The following MFHAS1 variants were observed in gnomAD, a reference collection of about 807,000 sequenced individuals.
The protein encoded by MFHAS1 is multifunctional ROCO family signaling regulator 1, also known as malignant fibrous histiocytoma-amplified sequence 1.
MFHAS1 carries 50 observed loss-of-function variants against 70.4 expected under a neutral mutation model. That is an observed-to-expected ratio of 0.71 (90% CI 0.57 to 0.90). The LOEUF (loss-of-function observed/expected upper bound fraction) is 0.90, where lower values mean the gene tolerates loss of function less well. Among genes scored for constraint, MFHAS1 ranks in the 40% least tolerant of loss-of-function variants. The pLI is 0.00. For synonymous variants in MFHAS1, 952 were observed against 620.0 expected (o/e 1.54, Z -7.96); for missense variants, 1,795 against 1,347.6 (o/e 1.33, Z -5.20).
chr8:8,825,572 C>G (rs1807127418), intron 1 of MFHAS1, among the ~76,000 whole-genome samples: 1 of 152,172 alleles, frequency 6.6e-6, no homozygotes, highest in African/African-American at 2.4e-5. Flanking sequence ...CCTCTGCTTG[C>G]AGGTGGCTGC....
At chr8:8,803,845 G>A (rs1334504459) in intron 1 of MFHAS1, among the ~76,000 whole-genome samples, 2 of 152,024 alleles carry the variant, frequency 1.3e-5, no homozygotes, top group Non-Finnish European at 2.9e-5. Flanking sequence ...CGTGGCACAT[G>A]CCTGTAATCT....
intron 1 of MFHAS1, among the ~76,000 whole-genome samples, chr8:8,848,877 A>G (rs1031193771): frequency 1.3e-5 from 2 of 152,134 alleles, no homozygotes; most frequent in African/African-American, 4.8e-5. Flanking sequence ...GTTTTTAAAA[A>G]CTGGTTAAAT....
At chr8:8,826,922 C>G (rs1185279329) in intron 1 of MFHAS1, among the ~76,000 whole-genome samples, 2 of 152,216 alleles carry the variant, frequency 1.3e-5, no homozygotes, top group Non-Finnish European at 2.9e-5. Context: ...GCATCTGAGG[C>G]AGGGATGGCA....
chr8:8,872,415 C>A (rs920564778), intron 1 of MFHAS1, among the ~76,000 whole-genome samples: 1 of 152,192 alleles, frequency 6.6e-6, no homozygotes, highest in Non-Finnish European at 1.5e-5. Context: ...TCCAACCTTG[C>A]AGCTTCCTTC....
intron 1 of MFHAS1, among the ~76,000 whole-genome samples, chr8:8,802,099 C>T (rs1018436706): frequency 1.3e-5 from 2 of 152,198 alleles, no homozygotes; most frequent in Non-Finnish European, 2.9e-5. Context: ...TGACATTGAG[C>T]GAGCACTTTT....
intron 1 of MFHAS1, among the ~76,000 whole-genome samples, chr8:8,819,970 C>A (rs931246648): frequency 2.0e-5 from 3 of 152,150 alleles, no homozygotes; most frequent in Non-Finnish European, 4.4e-5. Flanking sequence ...AGTGTTGGGA[C>A]TGCAGGCATG....
intron 1 of MFHAS1, among the ~76,000 whole-genome samples, chr8:8,844,787 G>A (rs961835574): frequency 6.6e-6 from 1 of 152,136 alleles, no homozygotes; most frequent in Non-Finnish European, 1.5e-5. Flanking sequence ...AGAGAGGAGG[G>A]GTGTTACCTG....
chr8:8,811,658 G>A (rs1278146201), intron 1 of MFHAS1, among the ~76,000 whole-genome samples: 2 of 152,222 alleles, frequency 1.3e-5, no homozygotes, highest in Admixed American at 6.5e-5. Flanking sequence ...CTGCAGGGAC[G>A]TAAGCTCCAC....
chr8:8,826,680 C>A (rs1027523312), intron 1 of MFHAS1, among the ~76,000 whole-genome samples: 2 of 152,216 alleles, frequency 1.3e-5, no homozygotes, highest in Non-Finnish European at 2.9e-5. Flanking sequence ...CTGCAGTGAG[C>A]TGAGATCACG....
At chr8:8,886,619 G>A (rs1178582254) in intron 1 of MFHAS1, among the ~76,000 whole-genome samples, 2 of 152,234 alleles carry the variant, frequency 1.3e-5, no homozygotes, top group East Asian at 1.9e-4. Context: ...AAAGATATTA[G>A]TGCAACTTTA....
At chr8:8,871,153 C>T (rs527280800) in intron 1 of MFHAS1, among the ~76,000 whole-genome samples, 74 of 152,286 alleles carry the variant, frequency 4.9e-4, no homozygotes, top group African/African-American at 1.7e-3. Context: ...ATGCTGTGTG[C>T]CCCTGGCCAT....
intron 1 of MFHAS1, among the ~76,000 whole-genome samples, chr8:8,840,173 C>T (rs1277598568): frequency 2.0e-5 from 3 of 152,186 alleles, no homozygotes; most frequent in Admixed American, 2.0e-4. Context: ...ATGCTCATTA[C>T]TGGCCGGGCA....
At chr8:8,885,782 T>C (rs1809728983) in intron 1 of MFHAS1, among the ~76,000 whole-genome samples, 1 of 152,248 alleles carries the variant, frequency 6.6e-6, no homozygotes, top group African/African-American at 2.4e-5. Context: ...CAATCTCAGC[T>C]CACTGCAACC....
chr8:8,784,727 C>T lies in MFHAS1; in HGVS notation c.*1295G>A, dbSNP rs1398960366. 1 of 152,158 alleles carries T rather than the reference C, an allele frequency of 6.6e-6. No individual in the cohort carries two copies. The highest frequency in any genetic ancestry group is 1.5e-5 in the Non-Finnish European group (1 of 68,040). The allele number at this position is 152,158 out of a possible 1,614,324, so 9.4% of individuals were successfully genotyped here. A position where few individuals can be genotyped will look rare whatever the true frequency, so the allele number is the denominator to read the frequency against. On this transcript the variant is annotated 3_prime_UTR_variant, in exon 3 of 3. Transcript: ENST00000276282. Reference sequence around the variant, plus strand: ...GTCAGTTTTATACATTTTCGATCAACCCACGGAGGAGGCAAATGTAAACAG... The same window carrying T: ...GTCAGTTTTATACATTTTCGATCAATCCACGGAGGAGGCAAATGTAAACAG...
chr8:8,830,217 G>A (rs1339057955), intron 1 of MFHAS1, among the ~76,000 whole-genome samples: 1 of 152,116 alleles, frequency 6.6e-6, no homozygotes, highest in Non-Finnish European at 1.5e-5. Flanking sequence ...TCTGTGTCAG[G>A]AAACACCAAG....
At position 8,875,551 on chromosome 8, in the gene MFHAS1, T is replaced by C. The variant is rs543368750; in HGVS notation, c.2998+14510A>G. 5.9e-5 allele frequency among the ~76,000 whole-genome samples: 9 copies of C among 152,320 alleles called. No homozygotes were observed. In the South Asian group the frequency reaches 1.9e-3, roughly 32 times the overall value. ...AGAGCAAAATGTGTAGTGATTACTTTAGATACCCACCATGAGAAACTTTTT... is the reference window on the plus strand; with the variant it reads ...AGAGCAAAATGTGTAGTGATTACTTCAGATACCCACCATGAGAAACTTTTT... On this transcript the variant is annotated intron_variant, in intron 1 of 2. Coordinates refer to ENST00000276282, the MANE Select transcript of MFHAS1 (RefSeq NM_004225.3).
chr8:8,807,085 G>A (rs1430361309), intron 1 of MFHAS1, among the ~76,000 whole-genome samples: 1 of 152,086 alleles, frequency 6.6e-6, no homozygotes, highest in Non-Finnish European at 1.5e-5. Context: ...CACGCTGGGC[G>A]CTTTTGAAAG....
chr8:8,867,791 T>G (rs768336295), intron 1 of MFHAS1, among the ~76,000 whole-genome samples: 8 of 152,084 alleles, frequency 5.3e-5, no homozygotes, highest in Non-Finnish European at 8.8e-5. Flanking sequence ...TCTCCTGACC[T>G]CGTGATGGGC....
chr8:8,810,655 T>A (rs780196082), intron 1 of MFHAS1, among the ~76,000 whole-genome samples: 2 of 152,222 alleles, frequency 1.3e-5, no homozygotes, highest in Non-Finnish European at 2.9e-5. Context: ...ATATAATACA[T>A]AAAACATACG....
Sources: allele counts gnomAD v4.1 joint callset (sites outside exome capture counted in the v4.1 genomes callset), GRCh38; gene constraint gnomAD v4.1.1; transcripts MANE v1.5; gene names NCBI Gene and HGNC (gene_info 2026-07-23, HGNC 2026-07-21).